The following TMEM132B variants were observed in gnomAD, a reference collection of about 807,000 sequenced individuals.
The protein encoded by TMEM132B is transmembrane protein 132B.
In TMEM132B, 18 loss-of-function variants were observed where a neutral mutation model predicts 90.8. That is an observed-to-expected ratio of 0.20 (90% CI 0.14 to 0.29). The LOEUF (loss-of-function observed/expected upper bound fraction) is 0.29. Ranked by LOEUF, TMEM132B falls within the 10% of genes least tolerant of loss-of-function variation. The probability of loss-of-function intolerance (pLI) is 1.00; values close to 1 mark genes in which losing one functional copy is unlikely to be tolerated. For missense variants in TMEM132B, 1,096 were observed against 1,326.8 expected, an observed-to-expected ratio of 0.83 and a Z score of 2.70; for synonymous variants, 504 against 523.3, an observed-to-expected ratio of 0.96 and a Z score of 0.50.
intron 1 of TMEM132B, among the ~76,000 whole-genome samples, chr12:125,237,138 C>T (rs1331921492): frequency 6.6e-6 from 1 of 152,216 alleles, no homozygotes; most frequent in African/African-American, 2.4e-5. Flanking sequence ...CTGCCAGCAG[C>T]AGGCTTAGAA....
At position 125,460,657 on chromosome 12, in the gene TMEM132B, T is replaced by C. The variant is rs763524065; in HGVS notation, c.1106+44980T>C. On this transcript the variant is annotated intron_variant, in intron 3 of 8. Coordinates refer to ENST00000682704, the MANE Select transcript of TMEM132B (RefSeq NM_001366854.1). This position sits in a 1 kb window ranked among gnomAD's most constrained non-coding sequence, Gnocchi z 4.4. ...CGGCCTTTTCATTGTTCTCAGCCCA[T>C]AGACCAGAGTCAAAGGATGAAATAA... Among the ~76,000 whole-genome samples, 19 of 152,180 alleles carry C rather than the reference T, an allele frequency of 1.2e-4. No individual in the cohort carries two copies. The highest frequency in any genetic ancestry group is 1.9e-4 in the East Asian group (1 of 5,194).
intron 5 of TMEM132B, among the ~76,000 whole-genome samples, chr12:125,635,908 T>C (rs1447126116): frequency 6.6e-6 from 1 of 152,164 alleles, no homozygotes; most frequent in Non-Finnish European, 1.5e-5. Flanking sequence ...AAATTTGGTA[T>C]GGTTTCTCTT....
intron 4 of TMEM132B, among the ~76,000 whole-genome samples, chr12:125,567,907 G>A (rs764614007): frequency 3.3e-5 from 5 of 152,154 alleles, no homozygotes; most frequent in Non-Finnish European, 4.4e-5. Flanking sequence ...ATTACTCAGC[G>A]CTGGAGCTGG....
At chr12:125,320,309 G>C (rs1876395301) in intron 1 of TMEM132B, among the ~76,000 whole-genome samples, 1 of 152,340 alleles carries the variant, frequency 6.6e-6, no homozygotes, top group African/African-American at 2.4e-5. Context: ...TATTCTGTTG[G>C]AGCTAATTGT....
chr12:125,470,133 A>G (rs1424088955), intron 3 of TMEM132B, among the ~76,000 whole-genome samples: 1 of 152,240 alleles, frequency 6.6e-6, no homozygotes, highest in Non-Finnish European at 1.5e-5. Context: ...TGAGCCAGCC[A>G]TGACGGGCCT....
At chr12:125,399,802 G>A (rs964604883) in intron 2 of TMEM132B, among the ~76,000 whole-genome samples, 2 of 152,148 alleles carry the variant, frequency 1.3e-5, no homozygotes, top group Admixed American at 1.3e-4. Flanking sequence ...TTGGCTAAGC[G>A]TCTATGAAGC....
At chr12:125,598,010 G>T (rs1306878586) in intron 5 of TMEM132B, among the ~76,000 whole-genome samples, 1 of 152,180 alleles carries the variant, frequency 6.6e-6, no homozygotes, top group African/African-American at 2.4e-5. Context: ...GGGAGCGTTT[G>T]TGGTGTGTAG....
rs117519948 is a variant in TMEM132B at position 125,631,402 on chromosome 12, C to T, written c.1438-12674C>T. Among the ~76,000 whole-genome samples the T allele has an allele frequency of 9.0e-3, 1,364 of 152,154 alleles. 9 individuals are homozygous for T. The highest frequency in any genetic ancestry group is 0.032 in the East Asian group (165 of 5,180). Reference sequence around the variant, plus strand: ...AAGTGTTTTAAGACTTGTTTTGTGACCTAACATATTGTCTGTCCTTGAGAA... The same window carrying T: ...AAGTGTTTTAAGACTTGTTTTGTGATCTAACATATTGTCTGTCCTTGAGAA... On this transcript the variant is annotated intron_variant, in intron 5 of 8. Coordinates refer to ENST00000682704, the MANE Select transcript of TMEM132B (RefSeq NM_001366854.1).
chr12:125,293,322 CA>C (rs1875589663), intron 1 of TMEM132B, among the ~76,000 whole-genome samples: 4 of 152,144 alleles, frequency 2.6e-5, no homozygotes, highest in African/African-American at 7.2e-5. Context: ...CATTTAGATT[CA>C]GGGGGTACTT....
intron 3 of TMEM132B, among the ~76,000 whole-genome samples, chr12:125,503,172 G>A (rs1390623827): frequency 6.6e-6 from 1 of 152,212 alleles, no homozygotes; most frequent in African/African-American, 2.4e-5. Flanking sequence ...GTTCAGATCT[G>A]AGAGAGGATT....
At chr12:125,413,028 G>A (rs1246638520) in intron 2 of TMEM132B, among the ~76,000 whole-genome samples, 1 of 152,060 alleles carries the variant, frequency 6.6e-6, no homozygotes, top group African/African-American at 2.4e-5. Flanking sequence ...ATGTCTTGGA[G>A]TCTGTGTAAA....
rs143810874 is a variant in TMEM132B, at chr12:125,348,634, G to A, written c.68-818G>A. ...ACAGGTGTGAGCCACCACACCTGGC[G>A]GTGCTTTGTACTTATTAACTCGTTA... On this transcript the variant is annotated intron_variant, in intron 1 of 8. Coordinates refer to ENST00000682704, the MANE Select transcript of TMEM132B (RefSeq NM_001366854.1). 3.6e-3 allele frequency among the ~76,000 whole-genome samples: 545 copies of A among 152,064 alleles called. 6 individuals are homozygous for A. The highest frequency in any genetic ancestry group is 0.013 in the African/African-American group (521 of 41,460).
intron 4 of TMEM132B, among the ~76,000 whole-genome samples, chr12:125,556,821 C>T (rs1379554686): frequency 6.6e-6 from 1 of 152,200 alleles, no homozygotes; most frequent in Non-Finnish European, 1.5e-5. Context: ...GTGCCACGAT[C>T]TCGGCTCGCT....
chr12:125,515,635 C>T (rs1003653817), intron 3 of TMEM132B, among the ~76,000 whole-genome samples: 11 of 150,730 alleles, frequency 7.3e-5, no homozygotes, highest in African/African-American at 2.7e-4. Context: ...TAGTCACACA[C>T]ATTGACACAT....
rs558287024 is a variant in TMEM132B, at chr12:125,654,360, C to T, written c.2902C>T (p.Leu968Phe). 61 of 1,612,942 alleles carry T rather than the reference C, an allele frequency of 3.8e-5. No homozygotes were observed. The South Asian group carries it at 5.8e-4, about 15-fold the overall frequency. ...TTTGGAGAACCCTGTTGACATTACA[C>T]TCCCATCAGAGGAGTGCACAACCAT... ...ELLENPVDIT[L>F]PSEECTTMID... The change falls in exon 9 of 9, where the codon CTC becomes TTC. Residue 968 changes from leucine (L) to phenylalanine (F), a missense_variant. Physicochemically the swap from Leu to Phe is conservative, Grantham distance 22. Coordinates refer to ENST00000682704, the MANE Select transcript of TMEM132B (RefSeq NM_001366854.1). This position sits in a 1 kb window ranked among gnomAD's most constrained non-coding sequence, Gnocchi z 5.8.
At chr12:125,600,836 A>T (rs967534185) in intron 5 of TMEM132B, among the ~76,000 whole-genome samples, 5 of 152,186 alleles carry the variant, frequency 3.3e-5, no homozygotes, top group Middle Eastern at 3.2e-3. Context: ...GACAAAACAG[A>T]CTTCAAACCA....
chr12:125,391,599 G>A (rs114803476), intron 2 of TMEM132B, among the ~76,000 whole-genome samples: 81 of 152,268 alleles, frequency 5.3e-4, no homozygotes, highest in African/African-American at 1.9e-3. Flanking sequence ...CACCATGTGG[G>A]ATGTCTCAGG....
Position 125,654,518 on chromosome 12 carries a change from T to A in TMEM132B, c.3060T>A (p.Asn1020Lys). 1 of 1,614,040 alleles carries A rather than the reference T, an allele frequency of 6.2e-7. No individual in the cohort carries two copies. The change falls in exon 9 of 9, where the codon AAT (asparagine) becomes AAA (lysine). Residue 1020 changes from asparagine to lysine, a missense_variant. Coordinates refer to ENST00000682704, the MANE Select transcript of TMEM132B (RefSeq NM_001366854.1). This position sits in a 1 kb window ranked among gnomAD's most constrained non-coding sequence, Gnocchi z 5.8. ...AAGAAATTAAAAATGAACCTATGAATTCTTCGGGCCCAAAGAGGAAGAGAG... is the reference window on the plus strand; with the variant it reads ...AAGAAATTAAAAATGAACCTATGAAATCTTCGGGCCCAAAGAGGAAGAGAG... ...YEKEIKNEPMNSSGPKRKRVK... is the reference protein window; with the variant it reads ...YEKEIKNEPMKSSGPKRKRVK...
chr12:125,537,311 CT>C (rs1161974797), intron 4 of TMEM132B, among the ~76,000 whole-genome samples: 1 of 152,230 alleles, frequency 6.6e-6, no homozygotes. Context: ...CCATAAAACA[CT>C]GCAATAGGAT....
Sources: gnomAD v4.1 joint callset for allele counts (sites outside exome capture counted in the v4.1 genomes callset) on GRCh38, gnomAD v4.1.1 for gene constraint, Gnocchi (gnomAD v3.1) non-coding constraint, MANE v1.5 for transcripts, NCBI Gene and HGNC (gene_info 2026-07-23, HGNC 2026-07-21) for gene names.